The following FAM117B variants were observed in gnomAD, a reference collection of about 807,000 sequenced individuals.
The protein encoded by FAM117B is protein FAM117B.
In FAM117B, 22 loss-of-function variants were observed where a neutral mutation model predicts 52.8. The ratio of observed to expected loss-of-function variants is 0.42; its 90% CI spans 0.30 to 0.59. The LOEUF is 0.59. Among genes scored for constraint, FAM117B ranks in the 20% least tolerant of loss-of-function variants. The probability of loss-of-function intolerance (pLI) is 0.22; values close to 1 mark genes in which losing one functional copy is unlikely to be tolerated. For missense variants in FAM117B, 678 were observed against 802.6 expected, an observed-to-expected ratio of 0.84 and a Z score of 1.88; for synonymous variants, 309 against 324.1, an observed-to-expected ratio of 0.95 and a Z score of 0.50.
At chr2:202,747,022 A>G (rs527338419) in intron 4 of FAM117B, among the ~76,000 whole-genome samples, 1 of 152,202 alleles carries the variant, frequency 6.6e-6, no homozygotes, top group Non-Finnish European at 1.5e-5. Context: ...AGATGCAAAA[A>G]TCCTGAGCAA....
intron 4 of FAM117B, among the ~76,000 whole-genome samples, chr2:202,730,794 G>C (rs145112272): frequency 1.1e-4 from 16 of 152,318 alleles, no homozygotes; most frequent in African/African-American, 3.4e-4. Flanking sequence ...AAACCTAACA[G>C]CTCTTAGAAG....
At chr2:202,704,475 C>A (rs1353041249) in intron 2 of FAM117B, among the ~76,000 whole-genome samples, 2 of 152,136 alleles carry the variant, frequency 1.3e-5, no homozygotes, top group Non-Finnish European at 2.9e-5. Flanking sequence ...CAGTTATTTG[C>A]CTGTCTAGAC....
chr2:202,649,979 C>T (rs1165990866), intron 1 of FAM117B, among the ~76,000 whole-genome samples: 11 of 152,012 alleles, frequency 7.2e-5, no homozygotes. Flanking sequence ...GTGATTCTCC[C>T]GCCTTTAGCC....
At chr2:202,699,813 TG>T (rs1193611678) in intron 2 of FAM117B, among the ~76,000 whole-genome samples, 1 of 152,242 alleles carries the variant, frequency 6.6e-6, no homozygotes, top group Non-Finnish European at 1.5e-5. Context: ...TGAAGGTTTG[TG>T]GCAACTCTGC....
intron 4 of FAM117B, among the ~76,000 whole-genome samples, chr2:202,732,106 G>A (rs1054678913): frequency 6.6e-6 from 1 of 150,730 alleles, no homozygotes; most frequent in African/African-American, 2.4e-5. Context: ...GGCCAGGCTG[G>A]TCTTGAACTC....
In FAM117B at chr2:202,691,698, T is replaced by TGCGCGC. The variant is rs959181905; in HGVS notation, c.602-4178_602-4173dup. 4.5e-4 allele frequency among the ~76,000 whole-genome samples: 59 copies of TGCGCGC among 131,154 alleles called. 1 individual carries two copies. The highest frequency in any genetic ancestry group is 5.8e-4 in the Non-Finnish European group (36 of 62,546). 86.0% of individuals were successfully genotyped at this position (131,154 alleles called of 152,430 possible). On this transcript the variant is annotated intron_variant, in intron 1 of 7. Coordinates refer to ENST00000392238, the MANE Select transcript of FAM117B (RefSeq NM_173511.4). Reference sequence around the variant, plus strand: ...GTGTGTGTGTGTGTGTGTGTGTGTGTGCGCGCGCGCCTCCCCACCCTGCCA... The same window carrying TGCGCGC: ...GTGTGTGTGTGTGTGTGTGTGTGTGTGCGCGCGCGCGCGCGCCTCCCCACCCTGCCA...
At chr2:202,703,149 A>G (rs1399458263) in intron 2 of FAM117B, among the ~76,000 whole-genome samples, 1 of 152,222 alleles carries the variant, frequency 6.6e-6, no homozygotes, top group African/African-American at 2.4e-5. Context: ...CTCCAAAAAG[A>G]AACCCTGTAA....
chr2:202,765,794 G>A lies in FAM117B; in HGVS notation c.*30G>A, dbSNP rs1319769564. ...CAGTGCAACGTGGCTGTTGTTCTGG[G>A]AAATTGGGAACCTCCTCAGATCACT... On this transcript the variant is annotated 3_prime_UTR_variant, in exon 8 of 8. Coordinates refer to ENST00000392238, the MANE Select transcript of FAM117B (RefSeq NM_173511.4). 1 of 1,599,922 alleles carries A rather than the reference G, an allele frequency of 6.3e-7. No individual in the cohort carries two copies. The highest frequency in any genetic ancestry group is 1.7e-5 in the Admixed American group (1 of 59,154).
At chr2:202,659,910 C>T (rs1358643126) in intron 1 of FAM117B, among the ~76,000 whole-genome samples, 4 of 151,840 alleles carry the variant, frequency 2.6e-5, no homozygotes, top group Admixed American at 6.6e-5. Context: ...TAAGCCACTG[C>T]GCCCGGCCAC....
Position 202,635,542 on chromosome 2 carries a change from T to TCCACGCGAGGCACCAGCC in FAM117B, c.363_380dup (p.Gly122_Arg127dup). The TCCACGCGAGGCACCAGCC allele has an allele frequency of 5.1e-6, 6 of 1,168,306 alleles. No individual in the cohort carries two copies. The highest frequency in any genetic ancestry group is 6.3e-6 in the Non-Finnish European group (6 of 951,752). 72.4% of individuals were successfully genotyped at this position (1,168,306 alleles called of 1,614,324 possible). A position where few individuals can be genotyped will look rare whatever the true frequency, so the allele number is the denominator to read the frequency against. On this transcript the variant is annotated inframe_insertion, in exon 1 of 8. Transcript: ENST00000392238. Reference sequence around the variant, plus strand: ...CACGCAGACGGGCGCGTCCGCGACGTCCACGCGAGGCACCAGCCCCACGCG... The same window carrying TCCACGCGAGGCACCAGCC: ...CACGCAGACGGGCGCGTCCGCGACGTCCACGCGAGGCACCAGCCCCACGCGAGGCACCAGCCCCACGCG...
chr2:202,671,019 T>C (rs1690290035), intron 1 of FAM117B, among the ~76,000 whole-genome samples: 1 of 152,234 alleles, frequency 6.6e-6, no homozygotes, highest in African/African-American at 2.4e-5. Flanking sequence ...TTTCTCCTTA[T>C]TTCTAAATCT....
At chr2:202,663,588 T>TC (rs901329626) in intron 1 of FAM117B, among the ~76,000 whole-genome samples, 1 of 151,244 alleles carries the variant, frequency 6.6e-6, no homozygotes, top group African/African-American at 2.4e-5. Flanking sequence ...GCCTTTTTTT[T>TC]TTTTTTTCTT....
rs374560975 is a variant in FAM117B at position 202,765,569 on chromosome 2, G to T, written c.1575G>T (p.Pro525=). 3 of 1,613,982 alleles carry T rather than the reference G, an allele frequency of 1.9e-6. No homozygotes were observed. The highest frequency in any genetic ancestry group is 1.1e-5 in the South Asian group (1 of 91,058). The change falls in exon 8 of 8, where the codon CCG becomes CCT. Residue 525 remains proline (P), a synonymous_variant. Coordinates refer to ENST00000392238, the MANE Select transcript of FAM117B (RefSeq NM_173511.4). ...VSILKPLLPT[P]DLTLKGSGHS... ...TCCTCAAGCCACTCCTTCCTACCCC[G>T]GATCTTACACTCAAGGGCTCTGGCC... is the stretch of plus-strand genomic sequence containing the variant.
chr2:202,731,332 A>AATATATATATATATATATAT (rs35255766), intron 4 of FAM117B, among the ~76,000 whole-genome samples: 43 of 30,752 alleles, frequency 1.4e-3, no homozygotes, highest in Non-Finnish European at 3.1e-3. Flanking sequence ...GAGAAATTGG[A>AATATATATATATATATATAT]ATATATATAT....
chr2:202,750,186 C>A (rs940573469), intron 4 of FAM117B, among the ~76,000 whole-genome samples: 1 of 152,078 alleles, frequency 6.6e-6, no homozygotes. Flanking sequence ...CCTCTTGGAC[C>A]GGGGCTGCCT....
intron 1 of FAM117B, among the ~76,000 whole-genome samples, chr2:202,682,138 A>G (rs998821056): frequency 6.6e-6 from 1 of 152,184 alleles, no homozygotes; most frequent in African/African-American, 2.4e-5. Flanking sequence ...TCACACTGAG[A>G]GCCACTTTCA....
At chr2:202,683,410 A>ATAAATAAAAT (rs1196745666) in intron 1 of FAM117B, among the ~76,000 whole-genome samples, 1 of 152,224 alleles carries the variant, frequency 6.6e-6, no homozygotes, top group Non-Finnish European at 1.5e-5. Flanking sequence ...CTTAGAAAGG[A>ATAAATAAAAT]TAAATAAAAT....
chr2:202,766,061 AACACACACACACACACACACACACAC>A lies in FAM117B; in HGVS notation c.*318_*343del. The A allele has an allele frequency of 9.9e-6, 2 of 202,034 alleles. No individual in the cohort carries two copies. The highest frequency in any genetic ancestry group is 1.3e-4 in the South Asian group (2 of 15,044). The allele number at this position is 202,034 out of a possible 1,614,324, so 12.5% of individuals were successfully genotyped here. ...TTGTTTTCGAATTAGACTTCTTTAA[AACACACACACACACACACACACACAC>A]ACACACACACACACACACACCCCTG... is the stretch of plus-strand genomic sequence containing the variant. On this transcript the variant is annotated 3_prime_UTR_variant, in exon 8 of 8. Transcript: ENST00000392238.
intron 1 of FAM117B, among the ~76,000 whole-genome samples, chr2:202,649,651 A>G (rs901600047): frequency 5.3e-5 from 8 of 151,996 alleles, no homozygotes; most frequent in Admixed American, 6.6e-5. Flanking sequence ...TCCCGGGTTC[A>G]AGTGATTCTC....
Sources: allele counts gnomAD v4.1 joint callset (sites outside exome capture counted in the v4.1 genomes callset), GRCh38; gene constraint gnomAD v4.1.1; transcripts MANE v1.5; gene names NCBI Gene and HGNC (gene_info 2026-07-23, HGNC 2026-07-21).